Variants in STK11IP observed in about 807,000 individuals in gnomAD.
STK11IP encodes serine/threonine-protein kinase 11-interacting protein.
STK11IP carries 103 observed loss-of-function variants against 131.7 expected under a neutral mutation model. The observed-to-expected ratio is 0.78, with a 90% CI of 0.67 to 0.92. The LOEUF is 0.92. Ranked by LOEUF, STK11IP falls within the 40% of genes least tolerant of loss-of-function variation. STK11IP has a pLI of 0.00. For missense variants in STK11IP, 1,315 were observed against 1,385.7 expected (o/e 0.95, Z 0.81); for synonymous variants, 557 against 575.6 (o/e 0.97, Z 0.46).
chr2:219,612,685 G>A (rs561862414), intron 19 of STK11IP, among the ~76,000 whole-genome samples: 5 of 152,344 alleles, frequency 3.3e-5, no homozygotes, highest in African/African-American at 1.2e-4. Flanking sequence ...TGCCCAGGAT[G>A]AGGGCACCTG....
At chr2:219,611,228 A>G (rs1270368344) in intron 17 of STK11IP, among the ~76,000 whole-genome samples, 1 of 152,202 alleles carries the variant, frequency 6.6e-6, no homozygotes, top group Non-Finnish European at 1.5e-5. Flanking sequence ...CTGCCTTTCC[A>G]GACCTGTTGA....
rs770358108 is a variant in STK11IP at position 219,613,152 on chromosome 2, A to C, written c.2464A>C (p.Thr822Pro). 10 of 1,609,252 alleles carry C rather than the reference A, an allele frequency of 6.2e-6. No individual in the cohort carries two copies. Among genetic ancestry groups the C allele is most frequent in the Non-Finnish European group, 8.5e-7 (1 of 1,177,632 alleles). Residue 822 changes from threonine (T) to proline (P), a missense_variant, in exon 20 of 25, where the codon ACT (threonine) becomes CCT (proline). By Grantham distance (38) the Thr-to-Pro change is conservative (BLOSUM62 -1). Coordinates refer to ENST00000456909, the MANE Select transcript of STK11IP (RefSeq NM_052902.4). ...LKVPVALAGHTGEFMCLVVVS... is the reference protein window; with the variant it reads ...LKVPVALAGHPGEFMCLVVVS... ...GGTGCCAGTGGCATTGGCAGGCCAC[A>C]CTGGGGAGTTCATGTGCCTTGTGGT... is the stretch of plus-strand genomic sequence containing the variant.
Position 219,609,220 on chromosome 2 carries a change from G to T in STK11IP, c.1926+7G>T. 1.9e-6 allele frequency: 3 copies of T among 1,592,900 alleles called. No individual in the cohort carries two copies. The highest frequency in any genetic ancestry group is 2.6e-6 in the Non-Finnish European group (3 of 1,169,732). ...TGCCCACGCAGCTGTCCAGGTGATGGCGCCCAGAGTGGGGGCCCAGGAGGC... is the reference window on the plus strand; with the variant it reads ...TGCCCACGCAGCTGTCCAGGTGATGTCGCCCAGAGTGGGGGCCCAGGAGGC... On this transcript the variant is annotated splice_region_variant and intron_variant, in intron 16 of 24. Transcript: ENST00000456909.
chr2:219,615,321 C>T lies in STK11IP; in HGVS notation c.3097C>T (p.Arg1033Trp), dbSNP rs200765370. ...LLYRSAPEDL[R>W]LLFYDEVSRL... is the part of the protein sequence containing the mutation. ...CTACCGCTCAGCCCCTGAGGACTTG[C>T]GGCTGCTCTTCTACGATGAGGTGTG... The change falls in exon 24 of 25, where the codon CGG becomes TGG. Residue 1033 changes from arginine (R) to tryptophan (W), a missense_variant. By Grantham distance (101) the Arg-to-Trp change is moderately radical. Coordinates refer to ENST00000456909, the MANE Select transcript of STK11IP (RefSeq NM_052902.4). 127 of 1,601,458 alleles carry T rather than the reference C, an allele frequency of 7.9e-5. No homozygotes were observed. Among genetic ancestry groups the T allele is most frequent in the Non-Finnish European group, 1.0e-4 (120 of 1,179,032 alleles).
intron 7 of STK11IP, 63 bp from the exon 8 acceptor site, chr2:219,605,545 C>T (rs1473215901): frequency 9.1e-6 from 14 of 1,534,646 alleles, no homozygotes; most frequent in Non-Finnish European, 1.2e-5. Flanking sequence ...GAAGAGGTCT[C>T]AGAGGACCCT....
chr2:219,608,363 G>A lies in STK11IP; in HGVS notation c.1536G>A (p.Met512Ile), dbSNP rs756470123. 71 of 1,582,108 alleles carry A rather than the reference G, an allele frequency of 4.5e-5. No homozygotes were observed. The highest frequency in any genetic ancestry group is 6.0e-5 in the Non-Finnish European group (70 of 1,164,354). ...EGKEEKEEGE[M>I]VEQGEEEAGE... ...AGGAGGAGAAGGAGGAGGGGGAGAT[G>A]GTGGAACAGGGAGAAGAGGAGGCAG... The change falls in exon 14 of 25, where the codon ATG becomes ATA. Residue 512 changes from methionine (M) to isoleucine (I), a missense_variant. Coordinates refer to ENST00000456909, the MANE Select transcript of STK11IP (RefSeq NM_052902.4).
chr2:219,608,924 A>G, intron 15 of STK11IP, 136 bp downstream of exon 15: 1 of 1,169,704 alleles, frequency 8.5e-7, no homozygotes, highest in Non-Finnish European at 1.2e-6. Flanking sequence ...CAGAGGTTGC[A>G]AGCACTCGGG....
chr2:219,612,046 G>A lies in STK11IP; in HGVS notation c.2427G>A (p.Gln809=). 1 of 1,601,996 alleles carries A rather than the reference G, an allele frequency of 6.2e-7. No individual in the cohort carries two copies. Among genetic ancestry groups the A allele is most frequent in the Non-Finnish European group, 8.5e-7 (1 of 1,174,986 alleles). The change falls in exon 19 of 25, where the codon CAG becomes CAA. Residue 809 remains glutamine, a synonymous_variant. Transcript: ENST00000456909. The part of the protein sequence containing the change: ...EVFSDAQEEF[Q]CCLKVPVALA... ...TCAGCGATGCCCAGGAGGAGTTCCA[G>A]TGCTGCCTCAAGGTCTGTGCTCCCT...
intron 2 of STK11IP, among the ~76,000 whole-genome samples, chr2:219,600,252 G>C (rs1010143332): frequency 6.6e-6 from 1 of 151,784 alleles, no homozygotes; most frequent in African/African-American, 2.4e-5. Flanking sequence ...TTTTAGTAGA[G>C]ACGAGGTTAG....
rs779471681 is a variant in STK11IP at position 219,613,870 on chromosome 2, C to T, written c.2656C>T (p.Arg886Cys). 32 of 1,603,182 alleles carry T rather than the reference C, an allele frequency of 2.0e-5. No individual in the cohort carries two copies. The highest frequency in any genetic ancestry group is 5.0e-5 in the Admixed American group (3 of 59,520). Residue 886 changes from arginine (R) to cysteine (C), a missense_variant, in exon 21 of 25, where the codon CGC becomes TGC. Coordinates refer to ENST00000456909, the MANE Select transcript of STK11IP (RefSeq NM_052902.4). ...LRLEWAAGAG[R>C]CVLLPRDARH... ...GCTAGAGTGGGCAGCTGGGGCGGGCCGCTGTGTGCTGCTGCCCCGAGATGC... is the reference window on the plus strand; with the variant it reads ...GCTAGAGTGGGCAGCTGGGGCGGGCTGCTGTGTGCTGCTGCCCCGAGATGC...
chr2:219,614,868 T>C, intron 23 of STK11IP: 1 of 628,382 alleles, frequency 1.6e-6, no homozygotes, highest in Non-Finnish European at 2.8e-6. Context: ...TGTTTCTGAG[T>C]AGGGTGGGTG....
chr2:219,613,911 C>G lies in STK11IP; in HGVS notation c.2697C>G (p.Ala899=), dbSNP rs541498633. ...CCCGAGATGCCAGGCATTGCCGGGCCTTCCTAGAGGAGCTCCTTGGTGAGA... is the reference window on the plus strand; with the variant it reads ...CCCGAGATGCCAGGCATTGCCGGGCGTTCCTAGAGGAGCTCCTTGGTGAGA... ...LLPRDARHCR[A]FLEELLDVLQ... The change falls in exon 21 of 25, where the codon GCC becomes GCG. Residue 899 remains alanine, a synonymous_variant. Transcript: ENST00000456909. 1.2e-5 allele frequency: 17 copies of G among 1,419,022 alleles called. No individual in the cohort carries two copies. Among genetic ancestry groups the G allele is most frequent in the Admixed American group, 9.5e-5 (5 of 52,804 alleles). The allele number at this position is 1,419,022 out of a possible 1,614,324, so 87.9% of individuals were successfully genotyped here.
chr2:219,609,198 C>A lies in STK11IP; in HGVS notation c.1911C>A (p.Ala637=), dbSNP rs748632660. 6.2e-7 allele frequency: 1 copy of A among 1,604,868 alleles called. No homozygotes were observed. Among genetic ancestry groups the A allele is most frequent in the South Asian group, 1.1e-5 (1 of 89,278 alleles). The change falls in exon 16 of 25, where the codon GCC becomes GCA. Residue 637 remains alanine, a synonymous_variant. Coordinates refer to ENST00000456909, the MANE Select transcript of STK11IP (RefSeq NM_052902.4). ...GCTATTTGGTGCTGGAGCCTGATGC[C>A]CACGCAGCTGTCCAGGTGATGGCGC... ...LRRYLVLEPD[A]HAAVQELLAV... is the part of the protein sequence containing the mutation.
chr2:219,608,588 C>T lies in STK11IP; in HGVS notation c.1609C>T (p.Leu537Phe). 3 of 1,591,996 alleles carry T rather than the reference C, an allele frequency of 1.9e-6. No homozygotes were observed. The highest frequency in any genetic ancestry group is 2.6e-6 in the Non-Finnish European group (3 of 1,167,438). The change falls in exon 15 of 25, where the codon CTC (leucine) becomes TTC (phenylalanine). Residue 537 changes from leucine (L) to phenylalanine (F), a missense_variant. Leu to Phe is a conservative substitution (Grantham distance 22). Coordinates refer to ENST00000456909, the MANE Select transcript of STK11IP (RefSeq NM_052902.4). The part of the protein sequence containing the change: ...EQDQKEVEAE[L>F]CRPLLVCPLE... The stretch of plus-strand genomic sequence containing the variant: ...TTCTCTTGGTCTCTCCACAGCGGAA[C>T]TCTGTCGCCCCTTGTTGGTGTGTCC...
intron 15 of STK11IP, 64 bp downstream of exon 15, chr2:219,608,852 T>C (rs1279543034): frequency 1.4e-6 from 2 of 1,442,532 alleles, no homozygotes; most frequent in African/African-American, 2.8e-5. Context: ...TTGTGTGCCC[T>C]GCACTGGGCT....
chr2:219,599,540 C>T (rs563276047), intron 2 of STK11IP, among the ~76,000 whole-genome samples: 2 of 152,264 alleles, frequency 1.3e-5, no homozygotes, highest in East Asian at 3.9e-4. Context: ...ATACAGAATC[C>T]TTCATGTCAG....
intron 1 of STK11IP, 68 bp from the exon 2 acceptor site, chr2:219,598,026 G>A: frequency 6.4e-7 from 1 of 1,572,250 alleles, no homozygotes; most frequent in Non-Finnish European, 8.6e-7. Context: ...CTCGGTTTGC[G>A]CGGACGCCCT....
chr2:219,607,184 A>C, intron 13 of STK11IP, 47 bp downstream of exon 13: 23 of 1,577,818 alleles, frequency 1.5e-5, no homozygotes, highest in Non-Finnish European at 1.9e-5. Flanking sequence ...CAGCGAGCTC[A>C]CTCTAATTTT....
chr2:219,602,767 A>C lies in STK11IP; in HGVS notation c.609A>C (p.Gly203=). 6.2e-7 allele frequency: 1 copy of C among 1,611,550 alleles called. No individual in the cohort carries two copies. Among genetic ancestry groups the C allele is most frequent in the East Asian group, 2.2e-5 (1 of 44,878 alleles). The stretch of plus-strand genomic sequence containing the variant: ...ACAATCAAGTCCAGGACTGTCAGGG[A>C]TTCCTGATGGTGAGTATGGGCAGTT... ...LSHNQVQDCQ[G]FLMDLCELHH... The change falls in exon 7 of 25, where the codon GGA becomes GGC. Residue 203 remains glycine, a synonymous_variant. Transcript: ENST00000456909.
Sources: gnomAD v4.1 joint callset for allele counts (sites outside exome capture counted in the v4.1 genomes callset) on GRCh38, gnomAD v4.1.1 for gene constraint, MANE v1.5 for transcripts, NCBI Gene and HGNC (gene_info 2026-07-23, HGNC 2026-07-21) for gene names.